Variants in BBX observed in about 807,000 individuals in gnomAD.
BBX encodes the protein HMG box transcription factor BBX.
A neutral mutation model predicts 100.2 loss-of-function variants in BBX; 30 were observed. The observed-to-expected ratio is 0.30, with a 90% CI of 0.22 to 0.41. The LOEUF (loss-of-function observed/expected upper bound fraction) is 0.41. Ranked by LOEUF, BBX falls within the 10% of genes least tolerant of loss-of-function variation. BBX has a pLI of 1.00. For synonymous variants in BBX, 376 were observed against 388.1 expected, an observed-to-expected ratio of 0.97 and a Z score of 0.37; for missense variants, 1,023 against 1,129.8, an observed-to-expected ratio of 0.91 and a Z score of 1.35.
Position 107,748,045 on chromosome 3 carries a change from G to A in BBX, c.825+6G>A, listed in dbSNP as rs375050678. The A allele has an allele frequency of 5.0e-5, 81 of 1,609,816 alleles. No homozygotes were observed. Among genetic ancestry groups the A allele is most frequent in the Non-Finnish European group, 6.5e-5 (77 of 1,177,728 alleles). On this transcript the variant is annotated splice_donor_region_variant and intron_variant, in intron 9 of 17. Coordinates refer to ENST00000325805, the MANE Select transcript of BBX (RefSeq NM_001142568.3). ...CCTTGTTTCAGTTTGCAGAGGTATGGCCTTTTTAAAATGCTTTTTAGGCTA... is the reference window on the plus strand; with the variant it reads ...CCTTGTTTCAGTTTGCAGAGGTATGACCTTTTTAAAATGCTTTTTAGGCTA...
intron 2 of BBX, among the ~76,000 whole-genome samples, chr3:107,559,240 A>G (rs1166180343): frequency 6.6e-6 from 1 of 152,154 alleles, no homozygotes; most frequent in Non-Finnish European, 1.5e-5. Context: ...GTGACAACAG[A>G]TGAATAGGGG....
intron 3 of BBX, among the ~76,000 whole-genome samples, chr3:107,648,738 C>A (rs977084122): frequency 1.3e-5 from 2 of 152,112 alleles, no homozygotes; most frequent in African/African-American, 2.4e-5. Flanking sequence ...TCTCTTGAAT[C>A]TTCTAGAAAA....
intron 2 of BBX, among the ~76,000 whole-genome samples, chr3:107,549,509 C>T (rs1435637499): frequency 6.6e-6 from 1 of 152,104 alleles, no homozygotes; most frequent in South Asian, 2.1e-4. Context: ...GTGTGCTGAC[C>T]TTAGGGATGT....
intron 2 of BBX, among the ~76,000 whole-genome samples, chr3:107,566,090 G>C (rs891675849): frequency 2.2e-5 from 3 of 138,686 alleles, no homozygotes; most frequent in African/African-American, 8.0e-5. Context: ...CAGGAGAATC[G>C]CTTGAACTCG....
intron 7 of BBX, among the ~76,000 whole-genome samples, chr3:107,741,781 C>A (rs940038972): frequency 3.3e-5 from 5 of 152,186 alleles, no homozygotes; most frequent in Non-Finnish European, 5.9e-5. Flanking sequence ...AAACATTTCA[C>A]AACATCTAGA....
intron 2 of BBX, among the ~76,000 whole-genome samples, chr3:107,635,578 C>A (rs2056799726): frequency 6.6e-6 from 1 of 152,136 alleles, no homozygotes; most frequent in Non-Finnish European, 1.5e-5. Context: ...ATCTAAACAT[C>A]TTGACTTACT....
chr3:107,723,819 A>G (rs1458864461), intron 5 of BBX, among the ~76,000 whole-genome samples: 2 of 152,160 alleles, frequency 1.3e-5, no homozygotes, highest in African/African-American at 4.8e-5. Context: ...ATTGTTGGAC[A>G]TTTGGGTTGG....
intron 2 of BBX, among the ~76,000 whole-genome samples, chr3:107,605,253 G>T (rs1383858187): frequency 6.6e-6 from 1 of 152,102 alleles, no homozygotes; most frequent in African/African-American, 2.4e-5. Context: ...ATCTAACTCT[G>T]CTGGTCCCCA....
intron 2 of BBX, among the ~76,000 whole-genome samples, chr3:107,573,706 T>C (rs1384416612): frequency 1.2e-4 from 19 of 152,250 alleles, no homozygotes; most frequent in Admixed American, 1.2e-3. Context: ...TGGTTTCCTG[T>C]GACAGTCCTA....
intron 2 of BBX, among the ~76,000 whole-genome samples, chr3:107,549,439 G>T (rs1374118170): frequency 1.3e-5 from 2 of 152,162 alleles, no homozygotes; most frequent in Non-Finnish European, 1.5e-5. Context: ...TGATGAGATA[G>T]GGATCATACT....
At chr3:107,666,482 A>T (rs1172653931) in intron 3 of BBX, among the ~76,000 whole-genome samples, 1 of 151,894 alleles carries the variant, frequency 6.6e-6, no homozygotes, top group Non-Finnish European at 1.5e-5. Context: ...AAACTTCTTT[A>T]GTGAAGGATT....
intron 9 of BBX, among the ~76,000 whole-genome samples, chr3:107,752,593 T>C (rs1051327429): frequency 6.6e-6 from 1 of 152,136 alleles, no homozygotes; most frequent in African/African-American, 2.4e-5. Flanking sequence ...GCCATAAAAT[T>C]AGCAATTTAA....
chr3:107,633,816 C>T (rs1319690606), intron 2 of BBX, among the ~76,000 whole-genome samples: 1 of 152,140 alleles, frequency 6.6e-6, no homozygotes, highest in Admixed American at 6.5e-5. Context: ...TCCTTAAGAC[C>T]ATAAAAGGAT....
chr3:107,731,562 A>T (rs980316650), intron 6 of BBX, among the ~76,000 whole-genome samples: 32 of 152,110 alleles, frequency 2.1e-4, no homozygotes, highest in African/African-American at 7.7e-4. Context: ...TTGTCTGTGT[A>T]TTCTCTGTGT....
At chr3:107,761,704 G>A (rs904785143) in intron 10 of BBX, among the ~76,000 whole-genome samples, 9 of 152,096 alleles carry the variant, frequency 5.9e-5, no homozygotes, top group African/African-American at 2.2e-4. Context: ...GCTGAGGGTG[G>A]GGGAAAGAGA....
intron 10 of BBX, 112 bp from the exon 11 acceptor site, chr3:107,772,516 T>G: frequency 8.5e-7 from 1 of 1,180,664 alleles, no homozygotes; most frequent in East Asian, 2.6e-5. Flanking sequence ...GTTGTAAAGT[T>G]TAAAGTGTGT....
intron 2 of BBX, among the ~76,000 whole-genome samples, chr3:107,640,940 G>A (rs1232850963): frequency 1.3e-5 from 2 of 152,200 alleles, no homozygotes; most frequent in Non-Finnish European, 1.5e-5. Flanking sequence ...GGGATTAACA[G>A]GCATGAGCCA....
At chr3:107,713,352 T>A (rs1021391958) in intron 4 of BBX, among the ~76,000 whole-genome samples, 8 of 152,196 alleles carry the variant, frequency 5.3e-5, no homozygotes, top group Non-Finnish European at 8.8e-5. Flanking sequence ...TTAAAATTCA[T>A]GCTGTTGTTA....
chr3:107,769,023 C>G, intron 10 of BBX, among the ~76,000 whole-genome samples: 1 of 148,318 alleles, frequency 6.7e-6, no homozygotes, highest in African/African-American at 2.5e-5. Flanking sequence ...GGGGGGGGAG[C>G]CGGGCATAGT....
Sources: gnomAD v4.1 joint callset for allele counts (sites outside exome capture counted in the v4.1 genomes callset) on GRCh38, gnomAD v4.1.1 for gene constraint, MANE v1.5 for transcripts, NCBI Gene and HGNC (gene_info 2026-07-23, HGNC 2026-07-21) for gene names.